Variants in CREBRF observed in about 807,000 individuals in gnomAD.
CREBRF encodes the protein UPF0474 protein C5orf41.
In CREBRF, 5 loss-of-function variants were observed where a neutral mutation model predicts 66.1. The ratio of observed to expected loss-of-function variants is 0.08; its 90% confidence interval spans 0.04 to 0.16. CREBRF has a LOEUF of 0.16. Ranked by LOEUF, CREBRF falls within the 10% of genes least tolerant of loss-of-function variation. The pLI is 1.00. For missense variants in CREBRF, 531 were observed against 744.9 expected, an observed-to-expected ratio of 0.71 and a Z score of 3.34; for synonymous variants, 229 against 264.4, an observed-to-expected ratio of 0.87 and a Z score of 1.30.
rs557599318 is a variant in CREBRF at position 173,100,703 on chromosome 5, C to T, written c.1223-7921C>T. ...CCTCGAAAAGTGCTGGGATTACAGG[C>T]GTGAGCCACACCGCTCCCCCCCAAC... On this transcript the variant is annotated intron_variant, in intron 4 of 8. Transcript: ENST00000296953. 5.9e-5 allele frequency among the ~76,000 whole-genome samples: 9 copies of T among 152,338 alleles called. No individual in the cohort carries two copies. In the East Asian group the frequency reaches 1.2e-3, roughly 20 times the overall value.
At chr5:173,089,231 A>G (rs1758256903) in intron 3 of CREBRF, among the ~76,000 whole-genome samples, 1 of 150,748 alleles carries the variant, frequency 6.6e-6, no homozygotes, top group Non-Finnish European at 1.5e-5. Flanking sequence ...ACACACACAC[A>G]CACACACCCC....
At chr5:173,076,724 C>A (rs1757775389) in intron 1 of CREBRF, among the ~76,000 whole-genome samples, 1 of 147,460 alleles carries the variant, frequency 6.8e-6, no homozygotes, top group Non-Finnish European at 1.5e-5. Flanking sequence ...CCACTGCATT[C>A]CAGCCTGGGG....
Position 173,106,411 on chromosome 5 carries a change from C to T in CREBRF, c.1223-2213C>T, listed in dbSNP as rs537975653. On this transcript the variant is annotated intron_variant, in intron 4 of 8. Transcript: ENST00000296953. ...TGCCACTGCACTCCAGCCTGGGCGA[C>T]GGAGCAAGACTCCATCTCAAAAAAA... is the stretch of plus-strand genomic sequence containing the variant. Among the ~76,000 whole-genome samples the T allele has an allele frequency of 5.1e-4, 77 of 150,738 alleles. 1 individual carries two copies. Among genetic ancestry groups the T allele is most frequent in the African/African-American group, 5.6e-4 (23 of 41,028 alleles).
At chr5:173,116,696 C>A (rs940045970) in intron 7 of CREBRF, among the ~76,000 whole-genome samples, 1 of 150,942 alleles carries the variant, frequency 6.6e-6, no homozygotes, top group Non-Finnish European at 1.5e-5. Context: ...TATTTGTGTA[C>A]AAGTATTTGG....
At chr5:173,076,018 C>T (rs1208293049) in intron 1 of CREBRF, among the ~76,000 whole-genome samples, 2 of 130,270 alleles carry the variant, frequency 1.5e-5, no homozygotes, top group Admixed American at 9.4e-5. Flanking sequence ...CCCATGAATT[C>T]GAGACCAACC....
chr5:173,065,048 T>C (rs1757393677), intron 1 of CREBRF, among the ~76,000 whole-genome samples: 1 of 152,162 alleles, frequency 6.6e-6, no homozygotes, highest in African/African-American at 2.4e-5. Context: ...GTTTTCATCT[T>C]TACCTTTGAA....
At chr5:173,097,864 CTAAT>C (rs576859197) in intron 4 of CREBRF, among the ~76,000 whole-genome samples, 68 of 152,074 alleles carry the variant, frequency 4.5e-4, no homozygotes, top group African/African-American at 1.5e-3. Context: ...TTTTTAGTGT[CTAAT>C]TCATTTATTT....
chr5:173,062,150 T>G (rs143474440), intron 1 of CREBRF, among the ~76,000 whole-genome samples: 292 of 152,316 alleles, frequency 1.9e-3, no homozygotes, highest in Middle Eastern at 0.017. Context: ...TCTTAAAGTC[T>G]TGTACTTTGA....
intron 4 of CREBRF, among the ~76,000 whole-genome samples, chr5:173,092,899 A>G (rs960026689): frequency 6.6e-6 from 1 of 152,140 alleles, no homozygotes; most frequent in African/African-American, 2.4e-5. Flanking sequence ...TTACTGTACA[A>G]CTCTATATAG....
chr5:173,133,243 A>T (rs565341969), intron 8 of CREBRF, among the ~76,000 whole-genome samples: 2 of 152,300 alleles, frequency 1.3e-5, no homozygotes, highest in South Asian at 4.1e-4. Flanking sequence ...CTACCCATGG[A>T]ACTTGGTGAG....
chr5:173,129,057 G>A (rs1759342216), intron 8 of CREBRF, among the ~76,000 whole-genome samples: 1 of 143,842 alleles, frequency 7.0e-6, no homozygotes, highest in Admixed American at 7.1e-5. Context: ...TGGGATTACA[G>A]GCGTGAGCCA....
In CREBRF at chr5:173,064,490, C is replaced by T. The variant is rs535319985; in HGVS notation, c.-192+8011C>T. Among the ~76,000 whole-genome samples the T allele has an allele frequency of 1.0e-3, 152 of 152,004 alleles. 2 individuals carry two copies. The South Asian group carries it at 0.015, about 15-fold the overall frequency. On this transcript the variant is annotated intron_variant, in intron 1 of 8. Coordinates refer to ENST00000296953, the MANE Select transcript of CREBRF (RefSeq NM_153607.3). ...CCTTGACTTTCCAGGCTCAAGCAGT[C>T]CTCCTGCCTCAGCCTCCTGAGCCTC...
At chr5:173,084,023 T>C (rs1342414765) in intron 2 of CREBRF, among the ~76,000 whole-genome samples, 1 of 152,126 alleles carries the variant, frequency 6.6e-6, no homozygotes. Flanking sequence ...TCACATACAG[T>C]GTGGCCTAGA....
At chr5:173,120,685 T>TC (rs1359715143) in intron 7 of CREBRF, among the ~76,000 whole-genome samples, 530 of 33,238 alleles carry the variant, frequency 0.016, 8 homozygotes, top group African/African-American at 0.039. Context: ...CTGAGCCTCT[T>TC]TTTTTTTTTT....
Position 173,138,842 on chromosome 5 carries a change from A to G in CREBRF, c.*5097A>G, listed in dbSNP as rs1421090725. On this transcript the variant is annotated 3_prime_UTR_variant, in exon 9 of 9. Transcript: ENST00000296953. ...CCTAGGATTTGTCCTACAGCTTAGT[A>G]TTGTGGTTGACAGCGATACTAGGGC... The G allele has an allele frequency of 6.6e-6, 1 of 152,148 alleles. No homozygotes were observed. Among genetic ancestry groups the G allele is most frequent in the African/African-American group, 2.4e-5 (1 of 41,440 alleles). 9.4% of individuals were successfully genotyped at this position (152,148 alleles called of 1,614,324 possible).
In CREBRF at chr5:173,090,073, G is replaced by A. The variant is rs1490512654; in HGVS notation, c.136-242G>A. Among the ~76,000 whole-genome samples, 1 of 152,022 alleles carries A rather than the reference G, an allele frequency of 6.6e-6. No homozygotes were observed. The highest frequency in any genetic ancestry group is 2.4e-5 in the African/African-American group (1 of 41,376). On this transcript the variant is annotated intron_variant, in intron 3 of 8. Coordinates refer to ENST00000296953, the MANE Select transcript of CREBRF (RefSeq NM_153607.3). This position sits in a 1 kb window ranked among gnomAD's most constrained non-coding sequence, Gnocchi z 4.5. ...TTTGGATCATACCTGAGCCTCTCAA[G>A]GGACACACTTTCCGTCTTTTTTAAA...
At chr5:173,105,624 C>T (rs1279186637) in intron 4 of CREBRF, among the ~76,000 whole-genome samples, 2 of 152,098 alleles carry the variant, frequency 1.3e-5, no homozygotes, top group African/African-American at 2.4e-5. Flanking sequence ...GGCGCCACCA[C>T]ACCCAGCTGA....
intron 2 of CREBRF, among the ~76,000 whole-genome samples, chr5:173,084,483 T>C (rs1333556278): frequency 6.6e-6 from 1 of 152,178 alleles, no homozygotes; most frequent in Non-Finnish European, 1.5e-5. Context: ...CAAAAACTGG[T>C]ACTAATCACT....
In CREBRF at chr5:173,136,275, G is replaced by A. The variant is rs887589556; in HGVS notation, c.*2530G>A. On this transcript the variant is annotated 3_prime_UTR_variant, in exon 9 of 9. Transcript: ENST00000296953. ...TGTTTAGTAGATTCCATATCTTTGA[G>A]TTTCAGTGTTTTATATGTACTACTT... 1 of 151,746 alleles carries A rather than the reference G, an allele frequency of 6.6e-6. No homozygotes were observed. The highest frequency in any genetic ancestry group is 1.5e-5 in the Non-Finnish European group (1 of 67,816). The allele number at this position is 151,746 out of a possible 1,614,324, so 9.4% of individuals were successfully genotyped here.
Sources: allele counts gnomAD v4.1 joint callset (sites outside exome capture counted in the v4.1 genomes callset), GRCh38; gene constraint gnomAD v4.1.1; non-coding constraint Gnocchi (gnomAD v3.1); transcripts MANE v1.5; gene names NCBI Gene and HGNC (gene_info 2026-07-23, HGNC 2026-07-21).